The following PRKN variants were observed in gnomAD, a reference collection of about 807,000 sequenced individuals.
PRKN encodes the protein parkin RBR E3 ubiquitin protein ligase.
In PRKN, 56 loss-of-function variants were observed where a neutral mutation model predicts 59.5. The observed-to-expected ratio is 0.94, with a 90% CI of 0.76 to 1.18. The LOEUF (loss-of-function observed/expected upper bound fraction) is 1.18, where lower values mean the gene tolerates loss of function less well. Ranked by LOEUF, PRKN falls within the 50% of genes most tolerant of loss-of-function variation. The probability of loss-of-function intolerance (pLI) is 0.00; values close to 1 mark genes in which losing one functional copy is unlikely to be tolerated. For missense variants in PRKN, 657 were observed against 596.4 expected (o/e 1.10, Z -1.06); for synonymous variants, 250 against 222.1 (o/e 1.13, Z -1.12).
intron 6 of PRKN, among the ~76,000 whole-genome samples, chr6:161,902,850 C>T (rs976039206): frequency 6.6e-6 from 1 of 152,296 alleles, no homozygotes; most frequent in African/African-American, 2.4e-5. Context: ...AGCCACCTTG[C>T]CCGGCTCATC....
chr6:162,549,338 C>A (rs1369785864), intron 1 of PRKN, among the ~76,000 whole-genome samples: 2 of 152,106 alleles, frequency 1.3e-5, no homozygotes, highest in Non-Finnish European at 2.9e-5. Flanking sequence ...CCCAAACTGA[C>A]CAAAACACAG....
At chr6:162,690,455 C>T (rs1281224109) in intron 1 of PRKN, among the ~76,000 whole-genome samples, 3 of 152,200 alleles carry the variant, frequency 2.0e-5, no homozygotes, top group Non-Finnish European at 2.9e-5. Context: ...CACATGAATG[C>T]ATCAAGGGAA....
intron 4 of PRKN, among the ~76,000 whole-genome samples, chr6:162,136,719 C>A (rs1781575231): frequency 6.6e-6 from 1 of 152,136 alleles, no homozygotes; most frequent in African/African-American, 2.4e-5. Context: ...CTGATTTTCA[C>A]TTTAACTACA....
chr6:162,631,675 T>C (rs1359975597), intron 1 of PRKN, among the ~76,000 whole-genome samples: 1 of 152,194 alleles, frequency 6.6e-6, no homozygotes, highest in Non-Finnish European at 1.5e-5. Context: ...TCTTTTGCTG[T>C]GCAAGCTCAG....
intron 3 of PRKN, among the ~76,000 whole-genome samples, chr6:162,232,218 A>G (rs1039078193): frequency 6.6e-5 from 10 of 151,868 alleles, no homozygotes; most frequent in Admixed American, 2.0e-4. Context: ...CCTGACTCCT[A>G]TTTTCTGAGC....
chr6:161,676,144 G>A (rs1456685526), intron 7 of PRKN, among the ~76,000 whole-genome samples: 4 of 152,346 alleles, frequency 2.6e-5, no homozygotes, highest in Middle Eastern at 3.4e-3. Context: ...GCTGCACTCT[G>A]GTGCCACTAG....
chr6:161,884,398 C>T (rs1315284878), intron 6 of PRKN, among the ~76,000 whole-genome samples: 1 of 152,166 alleles, frequency 6.6e-6, no homozygotes, highest in Admixed American at 6.5e-5. Flanking sequence ...CATTTTGCAG[C>T]TTAGTTTCAT....
At chr6:162,008,439 G>A (rs539211169) in intron 5 of PRKN, among the ~76,000 whole-genome samples, 1 of 152,236 alleles carries the variant, frequency 6.6e-6, no homozygotes, top group South Asian at 2.1e-4. Context: ...TTATTCCTCA[G>A]GCCTCACTAA....
intron 5 of PRKN, among the ~76,000 whole-genome samples, chr6:161,977,236 A>C (rs1781065998): frequency 6.6e-6 from 1 of 152,222 alleles, no homozygotes; most frequent in Non-Finnish European, 1.5e-5. Context: ...CCTGGATCAG[A>C]GACAAAGGAC....
chr6:162,052,524 T>A (rs1206358303), intron 5 of PRKN, among the ~76,000 whole-genome samples: 2 of 152,202 alleles, frequency 1.3e-5, no homozygotes, highest in African/African-American at 4.8e-5. Flanking sequence ...CTTGAAACAC[T>A]GAGAAAATTA....
At chr6:162,270,132 A>G (rs538784866) in intron 2 of PRKN, 162 of 152,358 alleles carry the variant, frequency 1.1e-3, no homozygotes, top group African/African-American at 3.8e-3. Context: ...CATGTCCACC[A>G]ATCAATGAGT....
chr6:162,204,159 G>T (rs535298156), intron 3 of PRKN, among the ~76,000 whole-genome samples: 1 of 152,142 alleles, frequency 6.6e-6, no homozygotes, highest in Non-Finnish European at 1.5e-5. Context: ...TAAGTGATTT[G>T]GTTATTTTGT....
rs947224563 is a variant in PRKN, at chr6:162,514,361, C to T, written c.8-70888G>A. On this transcript the variant is annotated intron_variant, in intron 1 of 11. Coordinates refer to ENST00000366898, the MANE Select transcript of PRKN (RefSeq NM_004562.3). ...TTTTCAAAGACAGATAATAAGGTCA[C>T]GTAGGGCAGTTGTGGGGAAAGGTTA... Among the ~76,000 whole-genome samples, 7 of 151,810 alleles carry T rather than the reference C, an allele frequency of 4.6e-5. No homozygotes were observed. In the East Asian group the frequency reaches 7.7e-4, roughly 17 times the overall value.
intron 3 of PRKN, among the ~76,000 whole-genome samples, chr6:162,209,604 G>T (rs923887390): frequency 6.6e-6 from 1 of 152,074 alleles, no homozygotes; most frequent in Non-Finnish European, 1.5e-5. Flanking sequence ...CCATTACTGG[G>T]TATATACACC....
chr6:162,498,085 C>T (rs1267831206), intron 1 of PRKN, among the ~76,000 whole-genome samples: 1 of 152,018 alleles, frequency 6.6e-6, no homozygotes, highest in Admixed American at 6.6e-5. Context: ...TAGAAAACAA[C>T]ATAAAAAGAA....
intron 4 of PRKN, among the ~76,000 whole-genome samples, chr6:162,187,237 G>C (rs1277167495): frequency 6.6e-6 from 1 of 152,168 alleles, no homozygotes; most frequent in African/African-American, 2.4e-5. Flanking sequence ...AGTGATCACC[G>C]GAGGAGGAAC....
At chr6:162,464,240 A>T (rs1294528512) in intron 1 of PRKN, among the ~76,000 whole-genome samples, 1 of 152,150 alleles carries the variant, frequency 6.6e-6, no homozygotes, top group Non-Finnish European at 1.5e-5. Context: ...TCTTTCTTTA[A>T]TCAAAATTGA....
chr6:162,141,911 A>C (rs1198415162), intron 4 of PRKN, among the ~76,000 whole-genome samples: 1 of 152,190 alleles, frequency 6.6e-6, no homozygotes, highest in Non-Finnish European at 1.5e-5. Context: ...TCTGTTCTGA[A>C]AATAGCGCAC....
chr6:161,768,715 C>A (rs1583134577), intron 7 of PRKN, among the ~76,000 whole-genome samples: 1 of 152,178 alleles, frequency 6.6e-6, no homozygotes, highest in Admixed American at 6.5e-5. Context: ...TTTCAAACTA[C>A]ATATCTGTTT....
Sources: allele counts gnomAD v4.1 joint callset (sites outside exome capture counted in the v4.1 genomes callset), GRCh38; gene constraint gnomAD v4.1.1; transcripts MANE v1.5; gene names NCBI Gene and HGNC (gene_info 2026-07-23, HGNC 2026-07-21).